Variants in RBFOX1 observed in about 807,000 individuals in gnomAD.
RBFOX1 encodes the protein RNA binding fox-1 homolog 1.
In RBFOX1, 8 loss-of-function variants were observed where a neutral mutation model predicts 57.7. The observed-to-expected ratio is 0.14, with a 90% CI of 0.08 to 0.25. The LOEUF is 0.25. Among genes scored for constraint, RBFOX1 ranks in the 10% least tolerant of loss-of-function variants. RBFOX1 has a pLI of 1.00. For synonymous variants in RBFOX1, 326 were observed against 222.4 expected (o/e 1.47, Z -4.15); for missense variants, 611 against 548.5 (o/e 1.11, Z -1.14).
intron 5 of RBFOX1, among the ~76,000 whole-genome samples, chr16:7,531,819 C>G (rs912674486): frequency 3.9e-5 from 6 of 152,066 alleles, no homozygotes; most frequent in African/African-American, 1.2e-4. Context: ...AGGCAAATAT[C>G]TTAACAATCC....
intron 3 of RBFOX1, among the ~76,000 whole-genome samples, chr16:6,738,847 C>G (rs1041018763): frequency 3.9e-5 from 6 of 152,090 alleles, no homozygotes; most frequent in Admixed American, 1.3e-4. Context: ...GAAAAAATCC[C>G]AAACACTTGG....
intron 3 of RBFOX1, among the ~76,000 whole-genome samples, chr16:6,974,653 A>G (rs72776225): frequency 0.059 from 9,020 of 151,872 alleles, 321 homozygotes; most frequent in Non-Finnish European, 0.089. Context: ...CCCATAAATC[A>G]TATTCTTTAT....
In RBFOX1 at chr16:7,249,707, A is replaced by G. The variant is rs572450391; in HGVS notation, c.27+197609A>G. Among the ~76,000 whole-genome samples, 11 of 152,182 alleles carry G rather than the reference A, an allele frequency of 7.2e-5. No individual in the cohort carries two copies. The East Asian group carries it at 2.1e-3, about 29-fold the overall frequency. ...ATTTTTTATTTTTGGCACAGTCCCA[A>G]TTGCTGAGCTTTTTCTTGTGCTATC... On this transcript the variant is annotated intron_variant, in intron 4 of 15. Transcript: ENST00000550418.
intron 2 of RBFOX1, among the ~76,000 whole-genome samples, chr16:6,557,590 C>T (rs1361990621): frequency 6.6e-6 from 1 of 152,110 alleles, no homozygotes; most frequent in Non-Finnish European, 1.5e-5. Flanking sequence ...TGGGTGTTGC[C>T]GAAGTCCTGT....
chr16:5,389,783 C>T (rs889292657), intron 1 of RBFOX1, among the ~76,000 whole-genome samples: 11 of 151,492 alleles, frequency 7.3e-5, no homozygotes, highest in African/African-American at 2.7e-4. Context: ...CTGCGACTTC[C>T]ATCACCCAGG....
intron 4 of RBFOX1, among the ~76,000 whole-genome samples, chr16:5,872,866 C>G (rs1002620932): frequency 2.0e-5 from 3 of 152,086 alleles, no homozygotes; most frequent in Non-Finnish European, 4.4e-5. Flanking sequence ...TTAAGTAAAA[C>G]AATAATTAGG....
chr16:7,355,056 C>T (rs1318679582), intron 4 of RBFOX1, among the ~76,000 whole-genome samples: 2 of 152,148 alleles, frequency 1.3e-5, no homozygotes, highest in South Asian at 2.1e-4. Context: ...GCATTTAACG[C>T]ATGAGGTCTT....
chr16:5,802,567 G>T (rs543959864), intron 3 of RBFOX1, among the ~76,000 whole-genome samples: 93 of 152,284 alleles, frequency 6.1e-4, no homozygotes, highest in African/African-American at 2.2e-3. Context: ...AACCTACGGG[G>T]AGAAAGTTTT....
Position 6,478,413 on chromosome 16 carries a change from ATATATATATATATATAT to A in RBFOX1, c.-64+161358_-64+161374del, listed in dbSNP as rs1175481322. On this transcript the variant is annotated intron_variant, in intron 2 of 15. Transcript: ENST00000550418. ...AATATATATATATATATATATATATATATATATATATATATATTTTTTTTTTTTTTTTTTGTATTTTT... is the reference window on the plus strand; with the variant it reads ...AATATATATATATATATATATATATATTTTTTTTTTTTTTTTTGTATTTTT... Among the ~76,000 whole-genome samples the A allele has an allele frequency of 0.015, 321 of 21,894 alleles. 24 individuals carry two copies. In the East Asian group the frequency reaches 0.21, roughly 15 times the overall value. 14.4% of individuals were successfully genotyped at this position (21,894 alleles called of 152,430 possible).
At chr16:7,535,426 T>A (rs2081250281) in intron 5 of RBFOX1, among the ~76,000 whole-genome samples, 1 of 152,190 alleles carries the variant, frequency 6.6e-6, no homozygotes, top group African/African-American at 2.4e-5. Flanking sequence ...ACATTGCGAC[T>A]CAGAGATGCA....
rs558109804 is a variant in RBFOX1, at chr16:7,599,182, C to G, written c.622+1751C>G. On this transcript the variant is annotated intron_variant, in intron 9 of 15. Coordinates refer to ENST00000550418, the MANE Select transcript of RBFOX1 (RefSeq NM_018723.4). ...AACCTCTGATTTATATGTCATACAGCCTTTCCAGTTGGGTAAAAGTAATGA... is the reference window on the plus strand; with the variant it reads ...AACCTCTGATTTATATGTCATACAGGCTTTCCAGTTGGGTAAAAGTAATGA... Among the ~76,000 whole-genome samples, 3 of 152,306 alleles carry G rather than the reference C, an allele frequency of 2.0e-5. No individual in the cohort carries two copies. In the South Asian group the frequency reaches 6.2e-4, roughly 32 times the overall value.
chr16:6,550,843 C>G (rs1368388192), intron 2 of RBFOX1, among the ~76,000 whole-genome samples: 2 of 152,170 alleles, frequency 1.3e-5, no homozygotes, highest in South Asian at 4.1e-4. Context: ...AGAACAATGC[C>G]TGGCCCTAAA....
At chr16:5,666,501 A>G (rs1414163127) in intron 3 of RBFOX1, among the ~76,000 whole-genome samples, 3 of 152,236 alleles carry the variant, frequency 2.0e-5, no homozygotes, top group African/African-American at 7.2e-5. Flanking sequence ...GCGATGGACA[A>G]GACAGACCAA....
At chr16:6,677,653 A>T (rs574886177) in intron 3 of RBFOX1, among the ~76,000 whole-genome samples, 1 of 152,296 alleles carries the variant, frequency 6.6e-6, no homozygotes, top group East Asian at 1.9e-4. Flanking sequence ...TTAGGGAACA[A>T]GTTTGGGCTG....
chr16:5,549,763 C>A (rs1446055340), intron 2 of RBFOX1, among the ~76,000 whole-genome samples: 1 of 152,094 alleles, frequency 6.6e-6, no homozygotes, highest in Admixed American at 6.6e-5. Context: ...TCTCATTTCA[C>A]CCTGGAAAAG....
chr16:7,199,582 C>G (rs1384524250), intron 4 of RBFOX1, among the ~76,000 whole-genome samples: 1 of 152,120 alleles, frequency 6.6e-6, no homozygotes, highest in Non-Finnish European at 1.5e-5. Flanking sequence ...ATAATCTGAT[C>G]AGGGCTGGGA....
chr16:6,689,193 G>C (rs2059872190), intron 3 of RBFOX1, among the ~76,000 whole-genome samples: 1 of 152,160 alleles, frequency 6.6e-6, no homozygotes, highest in Non-Finnish European at 1.5e-5. Flanking sequence ...TCTTGTTAGA[G>C]AGCTTATCCT....
At chr16:5,949,045 G>C (rs2059463369) in intron 4 of RBFOX1, among the ~76,000 whole-genome samples, 1 of 152,078 alleles carries the variant, frequency 6.6e-6, no homozygotes, top group South Asian at 2.1e-4. Flanking sequence ...AACTATTATG[G>C]GGGGTGTACT....
intron 3 of RBFOX1, among the ~76,000 whole-genome samples, chr16:6,780,222 T>TATATATTTAC (rs2080558283): frequency 2.7e-5 from 2 of 73,250 alleles, no homozygotes; most frequent in Admixed American, 2.7e-4. Context: ...TATATATTTA[T>TATATATTTAC]ATATATATTT....
Sources: gnomAD v4.1 joint callset for allele counts (sites outside exome capture counted in the v4.1 genomes callset) on GRCh38, gnomAD v4.1.1 for gene constraint, MANE v1.5 for transcripts, NCBI Gene and HGNC (gene_info 2026-07-23, HGNC 2026-07-21) for gene names.